DPYD: variants seen among roughly 807,000 people sequenced by gnomAD.
DPYD encodes the protein dihydropyrimidine dehydrogenase.
DPYD carries 109 observed loss-of-function variants against 116.2 expected under a neutral mutation model. The ratio of observed to expected loss-of-function variants is 0.94; its 90% confidence interval spans 0.80 to 1.10. The LOEUF (loss-of-function observed/expected upper bound fraction) is 1.10. Ranked by LOEUF, DPYD falls within the 50% of genes least tolerant of loss-of-function variation. The pLI, the probability that DPYD is intolerant of heterozygous loss-of-function variation, is 0.00. For synonymous variants in DPYD, 440 were observed against 432.0 expected (o/e 1.02, Z -0.23); for missense variants, 1,302 against 1,254.5 (o/e 1.04, Z -0.57).
intron 20 of DPYD, among the ~76,000 whole-genome samples, chr1:97,190,852 G>C (rs910891983): frequency 8.5e-5 from 13 of 152,072 alleles, no homozygotes; most frequent in Non-Finnish European, 1.3e-4. Context: ...ATTCTAGCCT[G>C]ACCTATGAGT....
chr1:97,737,465 T>C lies in DPYD; in HGVS notation c.321+2927A>G, dbSNP rs79752081. The stretch of plus-strand genomic sequence containing the variant: ...ATAGTGGGAGAAACCCCAATCAACT[T>C]ACATAATAGATTATGTATTTGGACA... On this transcript the variant is annotated intron_variant, in intron 4 of 22. Coordinates refer to ENST00000370192, the MANE Select transcript of DPYD (RefSeq NM_000110.4). 8.8e-3 allele frequency among the ~76,000 whole-genome samples: 1,346 copies of C among 152,248 alleles called. 17 individuals carry two copies. The highest frequency in any genetic ancestry group is 0.03 in the African/African-American group (1,239 of 41,548).
chr1:97,595,463 C>A (rs1654817861), intron 8 of DPYD, among the ~76,000 whole-genome samples: 2 of 151,682 alleles, frequency 1.3e-5, no homozygotes, highest in Non-Finnish European at 2.9e-5. Flanking sequence ...CAGGGAAAAT[C>A]AGGTTATATT....
At chr1:97,167,027 A>T (rs1460215434) in intron 20 of DPYD, among the ~76,000 whole-genome samples, 1 of 152,056 alleles carries the variant, frequency 6.6e-6, no homozygotes, top group African/African-American at 2.4e-5. Flanking sequence ...AGAAATAGGA[A>T]TTTTTTTTAT....
Position 97,193,202 on chromosome 1 carries a change from T to C in DPYD, c.2489A>G (p.Tyr830Cys), listed in dbSNP as rs761302217. ...QNQDFTVIED[Y>C]CTGLKALLYL... The stretch of plus-strand genomic sequence containing the variant: ...AAGCAGGGCTTTGAGGCCAGTGCAG[T>C]AGTCTTCGATCACAGTGAAATCCTG... Residue 830 changes from tyrosine to cysteine, a missense_variant, in exon 20 of 23, where the codon TAC (tyrosine) becomes TGC (cysteine). By Grantham distance (194) the Tyr-to-Cys change is radical (BLOSUM62 -2). Coordinates refer to ENST00000370192, the MANE Select transcript of DPYD (RefSeq NM_000110.4). The C allele has an allele frequency of 1.2e-6, 2 of 1,613,926 alleles. No homozygotes were observed. The highest frequency in any genetic ancestry group is 1.7e-6 in the Non-Finnish European group (2 of 1,179,944).
intron 4 of DPYD, among the ~76,000 whole-genome samples, chr1:97,725,983 C>T (rs1222854000): frequency 2.0e-5 from 3 of 151,368 alleles, no homozygotes; most frequent in Non-Finnish European, 3.0e-5. Context: ...GAAGTGAATA[C>T]ATCTCATAAA....
intron 18 of DPYD, among the ~76,000 whole-genome samples, chr1:97,281,368 C>A (rs10875062): frequency 0.31 from 46,590 of 150,984 alleles, 7,469 homozygotes; most frequent in Non-Finnish European, 0.35. Context: ...AAGAGTAGAT[C>A]CTACCAAAAG....
At chr1:97,688,687 A>T (rs1367296197) in intron 7 of DPYD, among the ~76,000 whole-genome samples, 1 of 152,118 alleles carries the variant, frequency 6.6e-6, no homozygotes, top group Non-Finnish European at 1.5e-5. Flanking sequence ...CAAAACAAAA[A>T]GTCTTTGCAC....
At chr1:97,386,093 T>G (rs1482881832) in intron 14 of DPYD, among the ~76,000 whole-genome samples, 1 of 152,050 alleles carries the variant, frequency 6.6e-6, no homozygotes, top group African/African-American at 2.4e-5. Flanking sequence ...AGATACATTA[T>G]GGTAAGCAGT....
At chr1:97,861,668 A>G (rs755697033) in intron 2 of DPYD, among the ~76,000 whole-genome samples, 1 of 151,986 alleles carries the variant, frequency 6.6e-6, no homozygotes, top group African/African-American at 2.4e-5. Flanking sequence ...ACGATGTTCA[A>G]ACTCATTAGA....
rs768488169 is a variant in DPYD, at chr1:97,527,279, A to G, written c.1525-11338T>C. On this transcript the variant is annotated intron_variant, in intron 12 of 22. Transcript: ENST00000370192. ...TTTTTTGTAGAGACAGGGTTTCACC[A>G]TGTTGGCCAGGATGGTCTTGATTTC... 6.3e-4 allele frequency among the ~76,000 whole-genome samples: 96 copies of G among 152,164 alleles called. No individual in the cohort carries two copies. In the Middle Eastern group the frequency reaches 0.01, roughly 16 times the overall value.
At chr1:97,659,430 C>A (rs776460155) in intron 8 of DPYD, among the ~76,000 whole-genome samples, 3 of 152,080 alleles carry the variant, frequency 2.0e-5, no homozygotes, top group Non-Finnish European at 4.4e-5. Context: ...GGTATCAGCT[C>A]AACATATTCA....
At chr1:97,141,800 G>A (rs1250597971) in intron 20 of DPYD, among the ~76,000 whole-genome samples, 3 of 152,080 alleles carry the variant, frequency 2.0e-5, no homozygotes, top group East Asian at 1.9e-4. Flanking sequence ...TGAATGGATG[G>A]CAATAGATGC....
At chr1:97,347,963 A>G (rs899018881) in intron 16 of DPYD, among the ~76,000 whole-genome samples, 3 of 152,164 alleles carry the variant, frequency 2.0e-5, no homozygotes, top group African/African-American at 4.8e-5. Flanking sequence ...CTGAAAACCA[A>G]TCTCACTGGA....
chr1:97,642,022 T>C (rs1472339441), intron 8 of DPYD, among the ~76,000 whole-genome samples: 1 of 151,894 alleles, frequency 6.6e-6, no homozygotes, highest in Admixed American at 6.6e-5. Context: ...GAGAATAAAA[T>C]ACCTAGGAAT....
At chr1:97,443,393 C>T (rs897388626) in intron 14 of DPYD, among the ~76,000 whole-genome samples, 1 of 152,148 alleles carries the variant, frequency 6.6e-6, no homozygotes, top group African/African-American at 2.4e-5. Context: ...AAAATCACTA[C>T]GTAAGCTCTA....
At chr1:97,432,824 G>A (rs1675257983) in intron 14 of DPYD, among the ~76,000 whole-genome samples, 1 of 152,138 alleles carries the variant, frequency 6.6e-6, no homozygotes, top group Admixed American at 6.5e-5. Flanking sequence ...CGCTGCTTTA[G>A]TTAGATTCGG....
At chr1:97,920,204 G>C (rs993646311) in intron 1 of DPYD, among the ~76,000 whole-genome samples, 1 of 152,090 alleles carries the variant, frequency 6.6e-6, no homozygotes, top group African/African-American at 2.4e-5. Flanking sequence ...GTCGTTTCAG[G>C]TAGGACCTTA....
intron 13 of DPYD, among the ~76,000 whole-genome samples, chr1:97,478,871 CT>C (rs748344467): frequency 1.2e-4 from 19 of 152,224 alleles, no homozygotes; most frequent in Admixed American, 2.0e-4. Context: ...TCAGCACTTG[CT>C]GCTTCGCCTT....
At chr1:97,303,913 T>C (rs1667009816) in intron 18 of DPYD, among the ~76,000 whole-genome samples, 1 of 151,998 alleles carries the variant, frequency 6.6e-6, no homozygotes, top group Non-Finnish European at 1.5e-5. Context: ...TTTCAGGTAC[T>C]GCTATAATTT....
Sources: gnomAD v4.1 joint callset for allele counts (sites outside exome capture counted in the v4.1 genomes callset) on GRCh38, gnomAD v4.1.1 for gene constraint, MANE v1.5 for transcripts, NCBI Gene and HGNC (gene_info 2026-07-23, HGNC 2026-07-21) for gene names.